ARHGEF10: variants seen among roughly 807,000 people sequenced by gnomAD.
ARHGEF10 encodes Rho guanine nucleotide exchange factor (GEF) 10.
In ARHGEF10, 140 loss-of-function variants were observed where a neutral mutation model predicts 147.4. The ratio of observed to expected loss-of-function variants is 0.95; its 90% confidence interval spans 0.83 to 1.09. The LOEUF is 1.09. ARHGEF10 is among the 50% of genes least tolerant of loss of function. ARHGEF10 has a pLI of 0.00. For missense variants in ARHGEF10, 2,222 were observed against 1,752.7 expected, an observed-to-expected ratio of 1.27 and a Z score of -4.78; for synonymous variants, 902 against 695.8, an observed-to-expected ratio of 1.30 and a Z score of -4.67.
In ARHGEF10 at chr8:1,827,604, C is replaced by T. The variant is rs542068448; in HGVS notation, c.-48+3491C>T. ...TACAGGCGTGAGCCACTGCATGCCC[C>T]GTCAAAATGATCATTTTAAATCGTG... On this transcript the variant is annotated intron_variant, in intron 1 of 28. Transcript: ENST00000349830. Among the ~76,000 whole-genome samples, 21 of 152,346 alleles carry T rather than the reference C, an allele frequency of 1.4e-4. No individual in the cohort carries two copies. In the East Asian group the frequency reaches 2.1e-3, roughly 15 times the overall value.
chr8:1,881,131 A>G (rs995849706), intron 9 of ARHGEF10, among the ~76,000 whole-genome samples: 1 of 152,170 alleles, frequency 6.6e-6, no homozygotes, highest in Non-Finnish European at 1.5e-5. Context: ...AGGTGAGGGC[A>G]CTGTGGGAAG....
chr8:1,870,683 T>G (rs1199169918), intron 7 of ARHGEF10: 4 of 152,168 alleles, frequency 2.6e-5, no homozygotes, highest in Non-Finnish European at 5.9e-5. Flanking sequence ...AGTTCTAAAC[T>G]CATATGCACC....
intron 4 of ARHGEF10, among the ~76,000 whole-genome samples, chr8:1,863,494 T>C (rs1230184660): frequency 1.3e-5 from 2 of 152,222 alleles, no homozygotes; most frequent in African/African-American, 4.8e-5. Flanking sequence ...CAGCTGCCAG[T>C]GTGGCGATGA....
Position 1,903,389 on chromosome 8 carries a change from G to A in ARHGEF10, c.1759G>A (p.Ala587Thr). Residue 587 changes from alanine (A) to threonine (T), a missense_variant, in exon 16 of 29, where the codon GCT (alanine) becomes ACT (threonine). Coordinates refer to ENST00000349830, the MANE Select transcript of ARHGEF10 (RefSeq NM_014629.4). ...AEKLNERKRDADQRCEVKQIA... is the reference protein window; with the variant it reads ...AEKLNERKRDTDQRCEVKQIA... ...GAAGTTAAATGAAAGAAAGAGAGAT[G>A]CTGATCAACGCTGTGAAGTGAAGCA... 6.2e-7 allele frequency: 1 copy of A among 1,614,202 alleles called. No individual in the cohort carries two copies. The highest frequency in any genetic ancestry group is 1.6e-4 in the Middle Eastern group (1 of 6,062).
At chr8:1,949,018 ATGTGTGTGTGTG>A (rs56097916) in intron 27 of ARHGEF10, among the ~76,000 whole-genome samples, 1 of 149,960 alleles carries the variant, frequency 6.7e-6, no homozygotes, top group Non-Finnish European at 1.5e-5. Flanking sequence ...ATGGGTTTTC[ATGTGTGTGTGTG>A]TGTGTGTGTG....
intron 1 of ARHGEF10, among the ~76,000 whole-genome samples, chr8:1,835,562 C>T (rs55976037): frequency 0.013 from 1,940 of 152,296 alleles, 17 homozygotes; most frequent in Non-Finnish European, 0.017. Flanking sequence ...CATGCCGTCC[C>T]GAAGCACTGA....
At chr8:1,930,181 G>A (rs1387899707) in intron 25 of ARHGEF10, among the ~76,000 whole-genome samples, 1 of 152,072 alleles carries the variant, frequency 6.6e-6, no homozygotes, top group African/African-American at 2.4e-5. Flanking sequence ...ATCCCAGCCA[G>A]TCTCGGTGCT....
chr8:1,923,350 A>C (rs746803088), intron 19 of ARHGEF10, 118 bp from the exon 20 acceptor site: 5 of 1,457,418 alleles, frequency 3.4e-6, no homozygotes, highest in Non-Finnish European at 4.7e-6. Flanking sequence ...TCTTTTTCAT[A>C]ATCTAATAGT....
At chr8:1,904,749 GC>G in intron 16 of ARHGEF10, among the ~76,000 whole-genome samples, 1 of 152,296 alleles carries the variant, frequency 6.6e-6, no homozygotes, top group East Asian at 1.9e-4. Context: ...TCAGAGCTGG[GC>G]AGCAGCGTAG....
intron 26 of ARHGEF10, among the ~76,000 whole-genome samples, chr8:1,941,682 G>A (rs1814104733): frequency 6.6e-6 from 1 of 152,078 alleles, no homozygotes; most frequent in South Asian, 2.1e-4. Context: ...GAACAAAATT[G>A]GAGGCCCACA....
chr8:1,844,023 C>G (rs887308061), intron 2 of ARHGEF10, among the ~76,000 whole-genome samples: 8 of 152,186 alleles, frequency 5.3e-5, no homozygotes, highest in Non-Finnish European at 1.0e-4. Flanking sequence ...AAGGTGGACA[C>G]TGACCGACGT....
At position 1,928,408 on chromosome 8, in the gene ARHGEF10, T is replaced by C; in HGVS notation, c.2698-19T>C. ...GCCACATGGTCGTTTTCTTCTTTCC[T>C]CCTAATTCTCTGATTCAGATCGGAA... On this transcript the variant is annotated intron_variant, in intron 23 of 28. Transcript: ENST00000349830. 6.4e-7 allele frequency: 1 copy of C among 1,556,206 alleles called. No homozygotes were observed. Among genetic ancestry groups the C allele is most frequent in the Non-Finnish European group, 8.8e-7 (1 of 1,133,410 alleles).
intron 18 of ARHGEF10, among the ~76,000 whole-genome samples, chr8:1,914,854 ACACAC>A (rs1344863075): frequency 6.6e-6 from 1 of 152,196 alleles, no homozygotes; most frequent in Admixed American, 6.5e-5. Context: ...CTGAGAGCAA[ACACAC>A]CACCTGGCCA....
At chr8:1,870,666 A>C (rs928760949) in intron 7 of ARHGEF10, 1 of 152,250 alleles carries the variant, frequency 6.6e-6, no homozygotes, top group Non-Finnish European at 1.5e-5. Flanking sequence ...TGAGGAAGAT[A>C]TATAACAGTT....
chr8:1,891,452 G>A (rs1271426530), intron 11 of ARHGEF10, among the ~76,000 whole-genome samples: 5 of 152,132 alleles, frequency 3.3e-5, no homozygotes, highest in Admixed American at 6.5e-5. Context: ...AAGAAGGGTC[G>A]TTCTTTACTT....
intron 5 of ARHGEF10, among the ~76,000 whole-genome samples, chr8:1,865,854 C>G (rs1022833085): frequency 1.3e-5 from 2 of 152,226 alleles, no homozygotes; most frequent in African/African-American, 4.8e-5. Context: ...CCTTGCACAG[C>G]TCCCCACAGG....
chr8:1,834,750 C>T (rs369316984), intron 1 of ARHGEF10, among the ~76,000 whole-genome samples: 23 of 152,250 alleles, frequency 1.5e-4, no homozygotes, highest in African/African-American at 3.9e-4. Flanking sequence ...CGTCCTTTTA[C>T]GTTTCCTCCT....
Position 1,952,729 on chromosome 8 carries a change from G to T in ARHGEF10, c.3422G>T (p.Ser1141Ile). The T allele has an allele frequency of 6.2e-7, 1 of 1,613,248 alleles. No homozygotes were observed. The highest frequency in any genetic ancestry group is 8.5e-7 in the Non-Finnish European group (1 of 1,180,010). ...GGGCACCAGCGGCTGTCGGTGACGA[G>T]CCTGCTCGTCTGCCACGGATTGCTG... Reference protein sequence around the residue: ...LPGHQRLSVTSLLVCHGLLMV... With the variant: ...LPGHQRLSVTILLVCHGLLMV... The change falls in exon 28 of 29, where the codon AGC becomes ATC. Residue 1141 changes from serine (S) to isoleucine (I), a missense_variant. Coordinates refer to ENST00000349830, the MANE Select transcript of ARHGEF10 (RefSeq NM_014629.4).
Position 1,923,018 on chromosome 8 carries a change from A to G in ARHGEF10, c.2198A>G (p.His733Arg), listed in dbSNP as rs371736644. Reference sequence around the variant, plus strand: ...TATCAAGATTTACAAAACTTGTTGCATGACTTAAATGTAATTGGCCAAATC... The same window carrying G: ...TATCAAGATTTACAAAACTTGTTGCGTGACTTAAATGTAATTGGCCAAATC... ...QLYQDLQNLL[H>R]DLNVIGQITQ... is the part of the protein sequence containing the mutation. Residue 733 changes from histidine (H) to arginine (R), a missense_variant, in exon 19 of 29, where the codon CAT becomes CGT. Transcript: ENST00000349830. 4 of 1,613,770 alleles carry G rather than the reference A, an allele frequency of 2.5e-6. No homozygotes were observed. The highest frequency in any genetic ancestry group is 3.4e-6 in the Non-Finnish European group (4 of 1,179,968).
Sources: gnomAD v4.1 joint callset for allele counts (sites outside exome capture counted in the v4.1 genomes callset) on GRCh38, gnomAD v4.1.1 for gene constraint, MANE v1.5 for transcripts, NCBI Gene and HGNC (gene_info 2026-07-23, HGNC 2026-07-21) for gene names.